Variants in PIK3R5 observed in about 807,000 individuals in gnomAD.
PIK3R5 encodes phosphoinositide-3-kinase regulatory subunit 5.
In PIK3R5, 32 loss-of-function variants were observed where a neutral mutation model predicts 94.9. The observed-to-expected ratio is 0.34, with a 90% CI of 0.25 to 0.45. PIK3R5 has a LOEUF of 0.45. Among genes scored for constraint, PIK3R5 ranks in the 20% least tolerant of loss-of-function variants. The probability of loss-of-function intolerance (pLI) is 1.00; values close to 1 mark genes in which losing one functional copy is unlikely to be tolerated. For synonymous variants in PIK3R5, 443 were observed against 479.4 expected (o/e 0.92, Z 0.99); for missense variants, 853 against 1,144.6 (o/e 0.75, Z 3.68).
chr17:8,886,876 T>C (rs61761071), intron 12 of PIK3R5, among the ~76,000 whole-genome samples: 4,524 of 152,288 alleles, frequency 0.03, 247 homozygotes, highest in African/African-American at 0.1. Flanking sequence ...CGGACCCTTC[T>C]GAGGGCCCTC....
intron 5 of PIK3R5, among the ~76,000 whole-genome samples, chr17:8,903,857 C>A (rs1039950118): frequency 2.0e-5 from 3 of 152,186 alleles, no homozygotes; most frequent in African/African-American, 7.2e-5. Context: ...ATTGTTTGAG[C>A]TCCAACTAAT....
chr17:8,951,784 C>A (rs1416737092), intron 1 of PIK3R5, among the ~76,000 whole-genome samples: 2 of 152,234 alleles, frequency 1.3e-5, no homozygotes, highest in African/African-American at 4.8e-5. Context: ...TGAAGATTCA[C>A]AAAGTTCAAA....
chr17:8,922,529 T>C (rs1400536535), intron 1 of PIK3R5, among the ~76,000 whole-genome samples: 4 of 152,148 alleles, frequency 2.6e-5, no homozygotes, highest in African/African-American at 9.7e-5. Flanking sequence ...TTCTTTCCTA[T>C]GTCGTGTTCA....
rs1390509506 is a variant in PIK3R5 at position 8,888,462 on chromosome 17, C to T, written c.1325G>A (p.Ser442Asn). The change falls in exon 10 of 19, where the codon AGC (serine) becomes AAC (asparagine). Residue 442 changes from serine to asparagine, a missense_variant. Coordinates refer to ENST00000447110, the MANE Select transcript of PIK3R5 (RefSeq NM_001142633.3). The surrounding 1 kb of genome is among the most constrained non-coding windows in gnomAD (Gnocchi z 7.8). ...SQLVLRRDSR[S>N]LEGSSDTALP... ...GGCCGTGTCCGAGCTGCCCTCCAGG[C>T]TCCGAGAGTCCCTCCGCAGTACCAG... 1.9e-6 allele frequency: 3 copies of T among 1,600,124 alleles called. No individual in the cohort carries two copies. Among genetic ancestry groups the T allele is most frequent in the Admixed American group, 3.5e-5 (2 of 57,374 alleles).
intron 1 of PIK3R5, among the ~76,000 whole-genome samples, chr17:8,939,976 C>T (rs982284594): frequency 6.6e-6 from 1 of 152,234 alleles, no homozygotes; most frequent in Non-Finnish European, 1.5e-5. Context: ...CCCATCTCAG[C>T]TTAGTCTTAC....
rs375685241 is a variant in PIK3R5, at chr17:8,893,618, G to A, written c.450C>T (p.Gly150=). The A allele has an allele frequency of 1.9e-5, 30 of 1,613,786 alleles. No individual in the cohort carries two copies. The highest frequency in any genetic ancestry group is 2.5e-5 in the Non-Finnish European group (30 of 1,179,866). The change falls in exon 6 of 19, where the codon GGC becomes GGT. Residue 150 remains glycine, a synonymous_variant. Coordinates refer to ENST00000447110, the MANE Select transcript of PIK3R5 (RefSeq NM_001142633.3). The surrounding 1 kb of genome is among the most constrained non-coding windows in gnomAD (Gnocchi z 5.1). ...SYQRLVRAEQ[G]LPIRSHRSST... The stretch of plus-strand genomic sequence containing the variant: ...AGCTGCGGTGACTCCTGATGGGCAG[G>A]CCCTGCTCAGCCCTCACCAGTCTCT...
intron 1 of PIK3R5, among the ~76,000 whole-genome samples, chr17:8,946,558 T>C (rs928049931): frequency 6.6e-6 from 1 of 151,874 alleles, no homozygotes; most frequent in South Asian, 2.1e-4. Flanking sequence ...TAAGTGTGTT[T>C]ACTCAAATAA....
rs2089864741 is a variant in PIK3R5, at chr17:8,886,581, C to T, written c.1930G>A (p.Ala644Thr). The T allele has an allele frequency of 6.2e-7, 1 of 1,606,300 alleles. No homozygotes were observed. The highest frequency in any genetic ancestry group is 1.3e-5 in the African/African-American group (1 of 74,790). The change falls in exon 13 of 19, where the codon GCC becomes ACC. Residue 644 changes from alanine to threonine, a missense_variant. Ala to Thr is a moderately conservative substitution (Grantham distance 58, BLOSUM62 0). This residue lies in a region of PIK3R5 where 173 missense variants were observed against 274.1 expected (regional missense o/e 0.63). Transcript: ENST00000447110. ...CQQSLKAEAQ[A>T]LEGSPTQLPI... ...AGCTGGGTTGGGGAGCCCTCCAGGG[C>T]CTGGGCTTCAGCCTTCAGGGACTGC...
At chr17:8,901,278 T>C (rs2151391665) in intron 5 of PIK3R5, among the ~76,000 whole-genome samples, 1 of 152,322 alleles carries the variant, frequency 6.6e-6, no homozygotes, top group South Asian at 2.1e-4. Context: ...CTAAGGGTCT[T>C]CCTGATGTCC....
chr17:8,888,940 C>G lies in PIK3R5; in HGVS notation c.896-49G>C. The G allele has an allele frequency of 6.4e-7, 1 of 1,556,118 alleles. No homozygotes were observed. Among genetic ancestry groups the G allele is most frequent in the Non-Finnish European group, 8.7e-7 (1 of 1,155,764 alleles). Reference sequence around the variant, plus strand: ...TGTCTGGGCGTCTGGGCCCCGGATCCCCTTCTATATTCCCTTTGGAGGGGA... The same window carrying G: ...TGTCTGGGCGTCTGGGCCCCGGATCGCCTTCTATATTCCCTTTGGAGGGGA... On this transcript the variant is annotated intron_variant, in intron 9 of 18. Coordinates refer to ENST00000447110, the MANE Select transcript of PIK3R5 (RefSeq NM_001142633.3). The surrounding 1 kb of genome is among the most constrained non-coding windows in gnomAD (Gnocchi z 7.8).
In PIK3R5 at chr17:8,893,045, G is replaced by GC. The variant is rs772487871; in HGVS notation, c.482+540dup. On this transcript the variant is annotated intron_variant, in intron 6 of 18. Coordinates refer to ENST00000447110, the MANE Select transcript of PIK3R5 (RefSeq NM_001142633.3). This position sits in a 1 kb window ranked among gnomAD's most constrained non-coding sequence, Gnocchi z 5.1. ...TGTAACCAGGATACATTTCATTTCA[G>GC]CTGTGTGTGTGTGTGTGTGTGTGTG... Among the ~76,000 whole-genome samples, 41 of 134,174 alleles carry GC rather than the reference G, an allele frequency of 3.1e-4. No individual in the cohort carries two copies. The highest frequency in any genetic ancestry group is 4.6e-4 in the Non-Finnish European group (30 of 64,630). The allele number at this position is 134,174 out of a possible 152,430, so 88.0% of individuals were successfully genotyped here. A position where few individuals can be genotyped will look rare whatever the true frequency, so the allele number is the denominator to read the frequency against.
chr17:8,902,249 ATTTTTTTTTTTTTTT>A (rs397960477), intron 5 of PIK3R5, among the ~76,000 whole-genome samples: 1 of 77,194 alleles, frequency 1.3e-5, no homozygotes, highest in African/African-American at 5.4e-5. Context: ...TGATATATTA[ATTTTTTTTTTTTTTT>A]TTTTTTTTTT....
Position 8,888,372 on chromosome 17 carries a change from C to T in PIK3R5, c.1415G>A (p.Arg472Gln), listed in dbSNP as rs761731757. 3.1e-6 allele frequency: 5 copies of T among 1,606,982 alleles called. No homozygotes were observed. Among genetic ancestry groups the T allele is most frequent in the East Asian group, 4.5e-5 (2 of 44,788 alleles). Reference protein sequence around the residue: ...PLDEPVSPPSRAQRSRSLPQP... With the variant: ...PLDEPVSPPSQAQRSRSLPQP... The stretch of plus-strand genomic sequence containing the variant: ...GGGCAGGGAGCGGGAGCGCTGGGCC[C>T]GGGAAGGGGGTGATACTGGTTCGTC... The change falls in exon 10 of 19, where the codon CGG becomes CAG. Residue 472 changes from arginine (R) to glutamine (Q), a missense_variant. Physicochemically the swap from Arg to Gln is conservative, Grantham distance 43. Around this residue, in one of 6 missense-constraint regions of PIK3R5, gnomAD observed 319 missense variants for 339.8 expected, o/e 0.94. Coordinates refer to ENST00000447110, the MANE Select transcript of PIK3R5 (RefSeq NM_001142633.3). This position sits in a 1 kb window ranked among gnomAD's most constrained non-coding sequence, Gnocchi z 7.8.
chr17:8,901,407 G>T (rs368185711), intron 5 of PIK3R5, among the ~76,000 whole-genome samples: 3 of 152,176 alleles, frequency 2.0e-5, no homozygotes, highest in Non-Finnish European at 4.4e-5. Flanking sequence ...CTGACTGATG[G>T]GGGGGCAGGT....
At position 8,881,785 on chromosome 17, in the gene PIK3R5, C is replaced by T; in HGVS notation, c.2299+3G>A. The T allele has an allele frequency of 2.5e-6, 4 of 1,614,050 alleles. No homozygotes were observed. The highest frequency in any genetic ancestry group is 3.4e-6 in the Non-Finnish European group (4 of 1,179,900). On this transcript the variant is annotated splice_donor_region_variant and intron_variant, in intron 16 of 18. Transcript: ENST00000447110. This position sits in a 1 kb window ranked among gnomAD's most constrained non-coding sequence, Gnocchi z 4.8. ...CACACCCCACACTGACCACCCCACTCACCCAGCTCCTCCTGCTTCCGGCAG... is the reference window on the plus strand; with the variant it reads ...CACACCCCACACTGACCACCCCACTTACCCAGCTCCTCCTGCTTCCGGCAG...
At chr17:8,932,873 C>T (rs2091011176) in intron 1 of PIK3R5, among the ~76,000 whole-genome samples, 3 of 151,780 alleles carry the variant, frequency 2.0e-5, no homozygotes, top group Admixed American at 6.6e-5. Context: ...AAAATATGAA[C>T]CCATAGATCT....
rs2091449979 is a variant in PIK3R5 at position 8,955,219 on chromosome 17, G to A, written c.-14+10377C>T. Among the ~76,000 whole-genome samples the A allele has an allele frequency of 6.6e-6, 1 of 152,216 alleles. No homozygotes were observed. Among genetic ancestry groups the A allele is most frequent in the Non-Finnish European group, 1.5e-5 (1 of 68,032 alleles). ...GCCCGATCATCAGTCATCCAAGGCT[G>A]AGGCCCGGGCCTCTTCCATGCTGGC... On this transcript the variant is annotated intron_variant, in intron 1 of 18. Transcript: ENST00000447110. The surrounding 1 kb of genome is among the most constrained non-coding windows in gnomAD (Gnocchi z 4.4).
intron 1 of PIK3R5, among the ~76,000 whole-genome samples, chr17:8,931,017 T>C (rs1232746328): frequency 2.0e-5 from 3 of 152,222 alleles, no homozygotes; most frequent in Admixed American, 6.5e-5. Flanking sequence ...GATGTTACCA[T>C]TGGAGCAAAC....
chr17:8,918,048 G>T (rs1459840698), intron 1 of PIK3R5, among the ~76,000 whole-genome samples: 3 of 152,092 alleles, frequency 2.0e-5, no homozygotes, highest in East Asian at 1.9e-4. Flanking sequence ...ATGAACTCAT[G>T]GTTTTTAATG....
Sources: gnomAD v4.1 joint callset for allele counts (sites outside exome capture counted in the v4.1 genomes callset) on GRCh38, gnomAD v4.1.1 for gene constraint, gnomAD v4.1.1 regional missense constraint, Gnocchi (gnomAD v3.1) non-coding constraint, MANE v1.5 for transcripts, NCBI Gene and HGNC (gene_info 2026-07-23, HGNC 2026-07-21) for gene names.